Variants in CDV3 observed in about 807,000 individuals in gnomAD.
The protein encoded by CDV3 is CDV3 homolog.
In CDV3, 14 loss-of-function variants were observed where a neutral mutation model predicts 24.5. The ratio of observed to expected loss-of-function variants is 0.57; its 90% CI spans 0.38 to 0.89. CDV3 has a LOEUF of 0.89. Ranked by LOEUF, CDV3 falls within the 40% of genes least tolerant of loss-of-function variation. CDV3 has a pLI of 0.00. For missense variants in CDV3, 304 were observed against 310.2 expected (o/e 0.98, Z 0.15); for synonymous variants, 114 against 114.1 (o/e 1.00, Z 0.00).
chr3:133,587,454 C>T, intron 4 of CDV3: 4 of 1,149,206 alleles, frequency 3.5e-6, no homozygotes, highest in Non-Finnish European at 4.3e-6. Flanking sequence ...AGTTTCTTTA[C>T]CTGATCTAAT....
Position 133,579,868 on chromosome 3 carries a change from C to T in CDV3, c.318-4134C>T, listed in dbSNP as rs376631623. On this transcript the variant is annotated intron_variant, in intron 2 of 4. Coordinates refer to ENST00000264993, the MANE Select transcript of CDV3 (RefSeq NM_017548.5). Reference sequence around the variant, plus strand: ...TCTGCCTCCCAAGATGCTGGGATTACAGGCATGAGCCACTGCGCCCGGCTG... The same window carrying T: ...TCTGCCTCCCAAGATGCTGGGATTATAGGCATGAGCCACTGCGCCCGGCTG... Among the ~76,000 whole-genome samples the T allele has an allele frequency of 5.5e-4, 84 of 152,318 alleles. 3 individuals are homozygous for T. The South Asian group carries it at 0.017, about 32-fold the overall frequency.
chr3:133,578,133 G>A (rs777167697), intron 2 of CDV3, among the ~76,000 whole-genome samples: 3 of 152,144 alleles, frequency 2.0e-5, no homozygotes, highest in Non-Finnish European at 4.4e-5. Flanking sequence ...GGGACTACAG[G>A]TGTGAGTTGC....
At chr3:133,585,581 G>C (rs754458843) in intron 3 of CDV3, among the ~76,000 whole-genome samples, 2 of 151,090 alleles carry the variant, frequency 1.3e-5, no homozygotes, top group Admixed American at 6.6e-5. Flanking sequence ...TGCAACCTCC[G>C]CCTCCCGGGT....
chr3:133,578,728 G>C (rs1365141437), intron 2 of CDV3, among the ~76,000 whole-genome samples: 1 of 152,156 alleles, frequency 6.6e-6, no homozygotes, highest in African/African-American at 2.4e-5. Context: ...AGCAATGCTA[G>C]GTATAATAGG....
At position 133,574,009 on chromosome 3, in the gene CDV3, C is replaced by G. The variant is rs1443109534; in HGVS notation, c.-36C>G. On this transcript the variant is annotated 5_prime_UTR_variant, in exon 1 of 5. Coordinates refer to ENST00000264993, the MANE Select transcript of CDV3 (RefSeq NM_017548.5). ...GGAGCCCCGCGGGCCGCGCCCGCCG[C>G]CGGCCCCACCCATCCGGGTCGAGGA... 27 of 1,043,812 alleles carry G rather than the reference C, an allele frequency of 2.6e-5. No homozygotes were observed. Among genetic ancestry groups the G allele is most frequent in the Non-Finnish European group, 3.0e-5 (26 of 864,050 alleles). The allele number at this position is 1,043,812 out of a possible 1,614,324, so 64.7% of individuals were successfully genotyped here. A position where few individuals can be genotyped will look rare whatever the true frequency, so the allele number is the denominator to read the frequency against.
intron 2 of CDV3, among the ~76,000 whole-genome samples, chr3:133,578,485 T>C (rs890841609): frequency 1.3e-5 from 2 of 152,220 alleles, no homozygotes; most frequent in Non-Finnish European, 2.9e-5. Context: ...AATACTTATG[T>C]GACTACTCTG....
chr3:133,575,532 G>A (rs987579459), intron 2 of CDV3, among the ~76,000 whole-genome samples: 7 of 152,202 alleles, frequency 4.6e-5, no homozygotes. Flanking sequence ...CTTACAGAGA[G>A]ATAGAGGTTT....
chr3:133,574,738 G>GTAGCCGTAT, intron 1 of CDV3: 1 of 1,098,930 alleles, frequency 9.1e-7, no homozygotes, highest in Non-Finnish European at 1.1e-6. Flanking sequence ...ACTCTCGGTG[G>GTAGCCGTAT]CAAGGTTGAA....
intron 4 of CDV3, 141 bp downstream of exon 4, chr3:133,586,863 G>A (rs1933659582): frequency 4.8e-6 from 3 of 622,706 alleles, no homozygotes; most frequent in African/African-American, 3.7e-5. Context: ...ACAGGCAGGT[G>A]AGAATCAGGG....
In CDV3 at chr3:133,588,040, C is replaced by T. The variant is rs369205277; in HGVS notation, c.771C>T (p.Tyr257=). The T allele has an allele frequency of 1.2e-6, 2 of 1,612,554 alleles. No individual in the cohort carries two copies. The highest frequency in any genetic ancestry group is 8.5e-7 in the Non-Finnish European group (1 of 1,179,584). The part of the protein sequence containing the change: ...LENQKSSHSQ[Y]N ...ATCAGAAAAGCAGCCACTCACAATACAATTAAGGAATGGGCTTTGCTAACC... is the reference window on the plus strand; with the variant it reads ...ATCAGAAAAGCAGCCACTCACAATATAATTAAGGAATGGGCTTTGCTAACC... Residue 257 remains tyrosine (Y), a synonymous_variant, in exon 5 of 5, where the codon TAC becomes TAT. Coordinates refer to ENST00000264993, the MANE Select transcript of CDV3 (RefSeq NM_017548.5).
chr3:133,574,384 A>AGGCC, intron 1 of CDV3, 100 bp downstream of exon 1: 1 of 934,364 alleles, frequency 1.1e-6, no homozygotes, highest in Non-Finnish European at 1.3e-6. Context: ...GGGGCCGCGG[A>AGGCC]GGCCGGGCGG....
chr3:133,575,624 C>A (rs1252870967), intron 2 of CDV3, among the ~76,000 whole-genome samples: 1 of 152,174 alleles, frequency 6.6e-6, no homozygotes, highest in African/African-American at 2.4e-5. Flanking sequence ...AACAAGGTTC[C>A]CCTCCTAACA....
chr3:133,576,841 C>CTTTTTTTTTTTGTTTT (rs2074828643), intron 2 of CDV3, among the ~76,000 whole-genome samples: 1 of 62,388 alleles, frequency 1.6e-5, no homozygotes, highest in Admixed American at 2.3e-4. Context: ...GGTAGACTAG[C>CTTTTTTTTTTTGTTTT]TTTTTTTTTT....
chr3:133,589,557 G>C lies in CDV3; in HGVS notation c.*1511G>C, dbSNP rs768143041. 6.6e-6 allele frequency: 1 copy of C among 152,596 alleles called. No homozygotes were observed. The highest frequency in any genetic ancestry group is 2.4e-5 in the African/African-American group (1 of 41,438). The allele number at this position is 152,596 out of a possible 1,614,324, so 9.5% of individuals were successfully genotyped here. On this transcript the variant is annotated 3_prime_UTR_variant, in exon 5 of 5. Coordinates refer to ENST00000264993, the MANE Select transcript of CDV3 (RefSeq NM_017548.5). ...AATGTCATCATTTGATGCAGAGTCCGGGTTTCTCTATAATAAATCCCTTTG... is the reference window on the plus strand; with the variant it reads ...AATGTCATCATTTGATGCAGAGTCCCGGTTTCTCTATAATAAATCCCTTTG...
chr3:133,576,231 C>T (rs139019380), intron 2 of CDV3, among the ~76,000 whole-genome samples: 1 of 152,242 alleles, frequency 6.6e-6, no homozygotes, highest in African/African-American at 2.4e-5. Flanking sequence ...GGGAAACTTT[C>T]AGGAACGATG....
chr3:133,575,183 C>G (rs111604271), intron 2 of CDV3, 68 bp downstream of exon 2: 1 of 868,650 alleles, frequency 1.2e-6, no homozygotes, highest in Non-Finnish European at 1.9e-6. Flanking sequence ...TTAGGTTTTC[C>G]TTTGGCCCCA....
chr3:133,582,585 A>C (rs1933152318), intron 2 of CDV3, among the ~76,000 whole-genome samples: 1 of 152,270 alleles, frequency 6.6e-6, no homozygotes, highest in Admixed American at 6.5e-5. Context: ...GAAGGAAAGC[A>C]TCCTTAGATA....
At chr3:133,580,025 G>C (rs2107712536) in intron 2 of CDV3, among the ~76,000 whole-genome samples, 1 of 152,226 alleles carries the variant, frequency 6.6e-6, no homozygotes, top group South Asian at 2.1e-4. Flanking sequence ...CAACGTGCAG[G>C]TTTGTTACAT....
intron 4 of CDV3, chr3:133,587,396 T>TA (rs892690868): frequency 8.3e-7 from 1 of 1,205,192 alleles, no homozygotes; most frequent in African/African-American, 1.6e-5. Context: ...TGCTCTGTCT[T>TA]AAAAAATGTG....
Sources: gnomAD v4.1 joint callset for allele counts (sites outside exome capture counted in the v4.1 genomes callset) on GRCh38, gnomAD v4.1.1 for gene constraint, MANE v1.5 for transcripts, NCBI Gene and HGNC (gene_info 2026-07-23, HGNC 2026-07-21) for gene names.